KCNC4: variants seen among roughly 807,000 people sequenced by gnomAD.
KCNC4 encodes the protein potassium voltage-gated channel subfamily C member 4, also known as voltage-gated potassium channel KCNC4.
KCNC4 carries 23 observed loss-of-function variants against 42.8 expected under a neutral mutation model. The observed-to-expected ratio is 0.54, with a 90% CI of 0.39 to 0.76. KCNC4 has a LOEUF of 0.76. Among genes scored for constraint, KCNC4 ranks in the 30% least tolerant of loss-of-function variants. The pLI is 0.00. For missense variants in KCNC4, 751 were observed against 898.2 expected (o/e 0.84, Z 2.10); for synonymous variants, 422 against 393.5 (o/e 1.07, Z -0.86).
chr1:110,258,236 T>C (rs139810486), intron 1 of KCNC4, among the ~76,000 whole-genome samples: 2 of 152,348 alleles, frequency 1.3e-5, no homozygotes, highest in East Asian at 3.9e-4. Context: ...GAAGGGTTTT[T>C]GTTTCCTGCT....
chr1:110,211,213 G>A lies in KCNC4; in HGVS notation c.-287G>A, dbSNP rs974283693. 1.1e-4 allele frequency: 50 copies of A among 453,842 alleles called. No homozygotes were observed. Among genetic ancestry groups the A allele is most frequent in the Non-Finnish European group, 1.2e-4 (31 of 252,472 alleles). The allele number at this position is 453,842 out of a possible 1,614,324, so 28.1% of individuals were successfully genotyped here. ...GTTTGTGTGTCCCGTCGTAGCGGGG[G>A]ACCGCGTGTGTGCTTGCTTCTACTT... On this transcript the variant is annotated 5_prime_UTR_variant, in exon 1 of 4. Coordinates refer to ENST00000438661, the MANE Select transcript of KCNC4 (RefSeq NM_001039574.3). The surrounding 1 kb of genome is among the most constrained non-coding windows in gnomAD (Gnocchi z 6.5).
downstream of KCNC4, among the ~76,000 whole-genome samples, chr1:110,254,060 C>G (rs1431909256): frequency 3.5e-5 from 5 of 143,120 alleles, no homozygotes; most frequent in Non-Finnish European, 7.5e-5. Context: ...GCTACTGCTT[C>G]TTCATGAGAA....
At chr1:110,268,624 A>AAAG (rs1553218081) in intron 1 of KCNC4, among the ~76,000 whole-genome samples, 1 of 147,272 alleles carries the variant, frequency 6.8e-6, no homozygotes, top group African/African-American at 2.6e-5. Flanking sequence ...AAAAAAAAAA[A>AAAG]AAAGAAAAGA....
At chr1:110,272,769 G>C (rs1659658006) in intron 1 of KCNC4, among the ~76,000 whole-genome samples, 1 of 152,114 alleles carries the variant, frequency 6.6e-6, no homozygotes, top group Non-Finnish European at 1.5e-5. Context: ...TAACAGTTCA[G>C]ATTTCCCAGA....
chr1:110,252,303 G>A (rs1659262052), downstream of KCNC4, among the ~76,000 whole-genome samples: 1 of 152,116 alleles, frequency 6.6e-6, no homozygotes, highest in African/African-American at 2.4e-5. Flanking sequence ...AAGAAATGAG[G>A]TTCATAACCC....
chr1:110,246,801 A>G (rs1381658846), exon 4 of KCNC4: 1 of 136,202 alleles, frequency 7.3e-6, no homozygotes, highest in Non-Finnish European at 1.5e-5. Flanking sequence ...ATTGGGTACA[A>G]GTGCAATTTT....
In KCNC4 at chr1:110,214,305, A is replaced by G. The variant is rs532704308; in HGVS notation, c.678+2128A>G. ...ATTTAACTAATAGCAGAGGCAGGAA[A>G]CCACCCCTAGTTTCCAGCCTTCTGG... On this transcript the variant is annotated intron_variant, in intron 1 of 3. Coordinates refer to ENST00000438661, the MANE Select transcript of KCNC4 (RefSeq NM_001039574.3). Among the ~76,000 whole-genome samples, 6 of 152,138 alleles carry G rather than the reference A, an allele frequency of 3.9e-5. No homozygotes were observed. In the South Asian group the frequency reaches 1.2e-3, roughly 32 times the overall value.
downstream of KCNC4, among the ~76,000 whole-genome samples, chr1:110,253,603 G>C (rs1462213027): frequency 6.6e-6 from 1 of 152,170 alleles, no homozygotes; most frequent in Non-Finnish European, 1.5e-5. Flanking sequence ...TGGGAGACCC[G>C]GACCAGGACC....
intron 1 of KCNC4, among the ~76,000 whole-genome samples, chr1:110,280,141 CACT>C (rs1382777133): frequency 2.0e-5 from 3 of 152,074 alleles, no homozygotes; most frequent in Non-Finnish European, 4.4e-5. Context: ...AACATTGACC[CACT>C]AGATGATCAC....
downstream of KCNC4, chr1:110,237,190 G>T (rs1336487666): frequency 2.6e-5 from 4 of 152,154 alleles, no homozygotes; most frequent in Non-Finnish European, 5.9e-5. Context: ...GATGGCATGT[G>T]CCTGTAGCCC....
intron 1 of KCNC4, among the ~76,000 whole-genome samples, chr1:110,270,438 A>G (rs926670398): frequency 6.6e-6 from 1 of 152,196 alleles, no homozygotes; most frequent in South Asian, 2.1e-4. Flanking sequence ...AACCAAAGCT[A>G]AGGAGTTGGA....
chr1:110,259,187 C>G (rs190502458), intron 1 of KCNC4, among the ~76,000 whole-genome samples: 3 of 152,280 alleles, frequency 2.0e-5, no homozygotes, highest in African/African-American at 7.2e-5. Context: ...CCCTACTGTC[C>G]CCAAGGAAAT....
intron 1 of KCNC4, among the ~76,000 whole-genome samples, chr1:110,279,967 T>C (rs1015055374): frequency 2.6e-5 from 4 of 151,968 alleles, no homozygotes; most frequent in African/African-American, 9.7e-5. Flanking sequence ...TTTTGTATTT[T>C]TAGTAGAGAC....
At chr1:110,282,131 C>G (rs1659839239) in intron 1 of KCNC4, among the ~76,000 whole-genome samples, 2 of 152,252 alleles carry the variant, frequency 1.3e-5, no homozygotes, top group South Asian at 4.1e-4. Context: ...TACTCAGTGC[C>G]ACTGTTAATG....
At chr1:110,248,388 T>C (rs1659191843) in exon 4 of KCNC4, 1 of 152,214 alleles carries the variant, frequency 6.6e-6, no homozygotes, top group Admixed American at 6.5e-5. Flanking sequence ...TCATTTGCTA[T>C]TATTAATTAA....
chr1:110,218,123 C>T (rs1015051651), intron 1 of KCNC4, among the ~76,000 whole-genome samples: 1 of 152,198 alleles, frequency 6.6e-6, no homozygotes, highest in Non-Finnish European at 1.5e-5. Flanking sequence ...CCTGGGCTCT[C>T]CTCCCCTGCC....
exon 4 of KCNC4, chr1:110,248,295 G>A (rs1468266638): frequency 6.6e-6 from 1 of 152,160 alleles, no homozygotes; most frequent in African/African-American, 2.4e-5. Context: ...GTGGCTACTA[G>A]AAAAATTTAA....
At chr1:110,255,682 C>T (rs114442612) in intron 1 of KCNC4, among the ~76,000 whole-genome samples, 1,843 of 152,294 alleles carry the variant, frequency 0.012, 29 homozygotes, top group African/African-American at 0.041. Flanking sequence ...CGAACTTCCT[C>T]TCAGGAAACA....
rs188537169 is a variant in KCNC4, at chr1:110,216,067, G to T, written c.678+3890G>T. 3.9e-3 allele frequency among the ~76,000 whole-genome samples: 596 copies of T among 152,350 alleles called. 2 individuals are homozygous for T. Among genetic ancestry groups the T allele is most frequent in the Non-Finnish European group, 5.4e-3 (368 of 68,024 alleles). ...AGGAAAAATGAAGGGAGGCGTGGCT[G>T]GGAGAAAAGACTAAGGGAAGCTCCC... On this transcript the variant is annotated intron_variant, in intron 1 of 3. Coordinates refer to ENST00000438661, the MANE Select transcript of KCNC4 (RefSeq NM_001039574.3).
Sources: allele counts gnomAD v4.1 joint callset (sites outside exome capture counted in the v4.1 genomes callset), GRCh38; gene constraint gnomAD v4.1.1; non-coding constraint Gnocchi (gnomAD v3.1); transcripts MANE v1.5; gene names NCBI Gene and HGNC (gene_info 2026-07-23, HGNC 2026-07-21).